The following ADAM10 variants were observed in gnomAD, a reference collection of about 807,000 sequenced individuals.
ADAM10 encodes the protein ADAM metallopeptidase domain 10, also known as disintegrin and metalloproteinase domain-containing protein 10.
In ADAM10, 17 loss-of-function variants were observed where a neutral mutation model predicts 90.1. The observed-to-expected ratio is 0.19, with a 90% CI of 0.13 to 0.28. The LOEUF (loss-of-function observed/expected upper bound fraction) is 0.28, where lower values mean the gene tolerates loss of function less well. Among genes scored for constraint, ADAM10 ranks in the 10% least tolerant of loss-of-function variants. ADAM10 has a pLI of 1.00. For synonymous variants in ADAM10, 310 were observed against 298.6 expected (o/e 1.04, Z -0.40); for missense variants, 610 against 914.3 (o/e 0.67, Z 4.29).
intron 1 of ADAM10, among the ~76,000 whole-genome samples, chr15:58,734,677 G>A (rs1437026241): frequency 4.0e-5 from 6 of 150,926 alleles, no homozygotes; most frequent in African/African-American, 1.2e-4. Flanking sequence ...TGCAGCCTGG[G>A]TGACAAAGTG....
intron 1 of ADAM10, among the ~76,000 whole-genome samples, chr15:58,744,903 C>A (rs1177756637): frequency 1.3e-5 from 2 of 152,208 alleles, no homozygotes; most frequent in Non-Finnish European, 2.9e-5. Flanking sequence ...GTATTCCCAG[C>A]GGGGCGCAGT....
intron 3 of ADAM10, 41 bp from the exon 4 acceptor site, chr15:58,679,323 A>G (rs1287974401): frequency 6.3e-7 from 1 of 1,586,160 alleles, no homozygotes; most frequent in Non-Finnish European, 8.7e-7. Context: ...TTTAATTTGC[A>G]CATGAATGTT....
rs1193820675 is a variant in ADAM10 at position 58,646,048 on chromosome 15, T to C, written c.735+7A>G. On this transcript the variant is annotated splice_region_variant and intron_variant, in intron 6 of 15. Transcript: ENST00000260408. Reference sequence around the variant, plus strand: ...GAACTACTAAAATAGCGCATAATCATAAATACCTGGGCAATCACAGCTTCT... The same window carrying C: ...GAACTACTAAAATAGCGCATAATCACAAATACCTGGGCAATCACAGCTTCT... 3.1e-5 allele frequency: 50 copies of C among 1,613,196 alleles called. No individual in the cohort carries two copies. The East Asian group carries it at 1.1e-3, about 35-fold the overall frequency.
At chr15:58,731,792 G>C (rs1266103049) in intron 1 of ADAM10, among the ~76,000 whole-genome samples, 2 of 152,140 alleles carry the variant, frequency 1.3e-5, no homozygotes, top group African/African-American at 4.8e-5. Context: ...TCACAGGTGA[G>C]AATTCCTAAG....
chr15:58,682,889 T>G (rs1405102564), intron 2 of ADAM10, among the ~76,000 whole-genome samples: 1 of 152,118 alleles, frequency 6.6e-6, no homozygotes, highest in African/African-American at 2.4e-5. Flanking sequence ...GGATAATGGC[T>G]GAAATCAGAG....
chr15:58,741,159 C>A (rs1018574669), intron 1 of ADAM10, among the ~76,000 whole-genome samples: 1 of 152,104 alleles, frequency 6.6e-6, no homozygotes, highest in Admixed American at 6.6e-5. Flanking sequence ...CAAGCAAAAA[C>A]AGATGGTAAG....
Position 58,673,388 on chromosome 15 carries a change from C to CAAA in ADAM10, c.484+5733_484+5735dup, listed in dbSNP as rs35784381. On this transcript the variant is annotated intron_variant, in intron 4 of 15. Transcript: ENST00000260408. ...TAACTGAATACCACTCTGTAATTGC[C>CAAA]AAAAAAAAAAAAAAAAGCTGCAGCT... Among the ~76,000 whole-genome samples the CAAA allele has an allele frequency of 3.6e-3, 288 of 79,288 alleles. 2 individuals are homozygous for CAAA. The highest frequency in any genetic ancestry group is 0.01 in the African/African-American group (266 of 26,582). The allele number at this position is 79,288 out of a possible 152,430, so 52.0% of individuals were successfully genotyped here.
At chr15:58,633,737 C>CT (rs1248071572) in intron 8 of ADAM10, among the ~76,000 whole-genome samples, 2 of 151,954 alleles carry the variant, frequency 1.3e-5, no homozygotes, top group Non-Finnish European at 2.9e-5. Flanking sequence ...AAAAAGAAAT[C>CT]TTATGATTTA....
At chr15:58,642,643 T>TTAA (rs1189279760) in intron 7 of ADAM10, among the ~76,000 whole-genome samples, 1 of 152,186 alleles carries the variant, frequency 6.6e-6, no homozygotes, top group African/African-American at 2.4e-5. Flanking sequence ...CATTTACTTA[T>TTAA]ATACATGCAT....
intron 1 of ADAM10, among the ~76,000 whole-genome samples, chr15:58,735,873 G>A (rs1286132421): frequency 6.6e-6 from 1 of 152,108 alleles, no homozygotes; most frequent in Non-Finnish European, 1.5e-5. Context: ...TGAAAAAACT[G>A]AAATGGTTTT....
intron 1 of ADAM10, among the ~76,000 whole-genome samples, chr15:58,745,271 T>TA: frequency 6.6e-6 from 1 of 152,352 alleles, no homozygotes; most frequent in South Asian, 2.1e-4. Flanking sequence ...TAGGAAAATG[T>TA]AGCTAATTGC....
chr15:58,658,990 T>C (rs1896902729), intron 5 of ADAM10, among the ~76,000 whole-genome samples: 2 of 152,054 alleles, frequency 1.3e-5, no homozygotes, highest in African/African-American at 4.8e-5. Context: ...TTTTTATTCC[T>C]TGGCTGGGCG....
At chr15:58,731,896 A>C (rs1899258387) in intron 1 of ADAM10, among the ~76,000 whole-genome samples, 1 of 152,204 alleles carries the variant, frequency 6.6e-6, no homozygotes, top group Non-Finnish European at 1.5e-5. Context: ...TCTGAATAGC[A>C]ACCACACACA....
At chr15:58,614,234 C>G (rs8035373) in intron 11 of ADAM10, among the ~76,000 whole-genome samples, 72,675 of 151,544 alleles carry the variant, frequency 0.48, 20,089 homozygotes, top group East Asian at 0.94. Context: ...GCAGTGAGCT[C>G]AAACTGTACC....
intron 5 of ADAM10, among the ~76,000 whole-genome samples, chr15:58,656,571 T>A (rs8026668): frequency 0.29 from 43,622 of 152,032 alleles, 8,875 homozygotes; most frequent in African/African-American, 0.57. Flanking sequence ...GATTGCATAA[T>A]TATAGAAGCA....
At chr15:58,669,077 C>T (rs1897139152) in intron 4 of ADAM10, among the ~76,000 whole-genome samples, 1 of 152,062 alleles carries the variant, frequency 6.6e-6, no homozygotes, top group Non-Finnish European at 1.5e-5. Flanking sequence ...TTTTTAACTG[C>T]ATTAATTTAT....
chr15:58,686,630 A>C (rs1260240160), intron 2 of ADAM10: 1 of 848,288 alleles, frequency 1.2e-6, no homozygotes, highest in Non-Finnish European at 2.0e-6. Context: ...ACTCTAAGAG[A>C]GAAGTTTGCT....
At chr15:58,715,168 T>C (rs904221603) in intron 2 of ADAM10, among the ~76,000 whole-genome samples, 55 of 152,100 alleles carry the variant, frequency 3.6e-4, no homozygotes, top group Non-Finnish European at 1.6e-4. Context: ...ATGCCTGTAA[T>C]CCCAGCACTT....
At chr15:58,642,524 T>C (rs769753906) in intron 7 of ADAM10, among the ~76,000 whole-genome samples, 1 of 152,064 alleles carries the variant, frequency 6.6e-6, no homozygotes, top group Non-Finnish European at 1.5e-5. Flanking sequence ...GGATTATTAA[T>C]ATAGCTGACA....
Sources: gnomAD v4.1 joint callset for allele counts (sites outside exome capture counted in the v4.1 genomes callset) on GRCh38, gnomAD v4.1.1 for gene constraint, MANE v1.5 for transcripts, NCBI Gene and HGNC (gene_info 2026-07-23, HGNC 2026-07-21) for gene names.